The following TNFAIP6 variants were observed in gnomAD, a reference collection of about 807,000 sequenced individuals.
The protein encoded by TNFAIP6 is TNF alpha induced protein 6, also known as tumor necrosis factor-inducible gene 6 protein.
TNFAIP6 carries 36 observed loss-of-function variants against 33.7 expected under a neutral mutation model. The observed-to-expected ratio is 1.07, with a 90% CI of 0.82 to 1.41. The LOEUF is 1.41. Ranked by LOEUF, TNFAIP6 falls within the 40% of genes most tolerant of loss-of-function variation. The pLI is 0.00. For synonymous variants in TNFAIP6, 113 were observed against 112.8 expected (o/e 1.00, Z -0.01); for missense variants, 273 against 331.9 (o/e 0.82, Z 1.38).
At chr2:151,373,177 G>A (rs538046922) in intron 4 of TNFAIP6, among the ~76,000 whole-genome samples, 136 of 151,790 alleles carry the variant, frequency 9.0e-4, no homozygotes, top group African/African-American at 3.2e-3. Flanking sequence ...AATTAGCCAG[G>A]TGTGGTGCAT....
At chr2:151,370,330 C>T (rs1684795362) in intron 4 of TNFAIP6, 82 bp downstream of exon 4, 6 of 1,002,010 alleles carry the variant, frequency 6.0e-6, no homozygotes, top group South Asian at 1.5e-5. Flanking sequence ...CTCAACTGTC[C>T]CTATAATATT....
chr2:151,358,229 C>T (rs1684567460), intron 1 of TNFAIP6, among the ~76,000 whole-genome samples: 8 of 152,132 alleles, frequency 5.3e-5, no homozygotes, highest in Admixed American at 3.9e-4. Context: ...TTTTTTCAAA[C>T]ATTTTGACTA....
intron 1 of TNFAIP6, among the ~76,000 whole-genome samples, chr2:151,361,756 A>G (rs1684627486): frequency 6.6e-6 from 1 of 152,206 alleles, no homozygotes; most frequent in South Asian, 2.1e-4. Flanking sequence ...AAAACTAGCA[A>G]AAGTTTAATG....
downstream of TNFAIP6, among the ~76,000 whole-genome samples, chr2:151,381,296 C>A (rs1336909980): frequency 6.6e-6 from 1 of 151,996 alleles, no homozygotes; most frequent in African/African-American, 2.4e-5. Context: ...CATAGCAAGA[C>A]CTCATCTCTA....
chr2:151,368,982 CAGG>C (rs1253780205), intron 3 of TNFAIP6, among the ~76,000 whole-genome samples: 1 of 152,194 alleles, frequency 6.6e-6, no homozygotes, highest in Non-Finnish European at 1.5e-5. Flanking sequence ...CACCAGAGGT[CAGG>C]AGTTCAAGTC....
chr2:151,376,202 C>T (rs1684903548), intron 5 of TNFAIP6, among the ~76,000 whole-genome samples: 1 of 151,946 alleles, frequency 6.6e-6, no homozygotes, highest in African/African-American at 2.4e-5. Context: ...GCTGAGATGG[C>T]TCCACTGCAC....
chr2:151,379,392 T>A lies in TNFAIP6; in HGVS notation c.693T>A (p.Ser231Arg), dbSNP rs1286585291. Residue 231 changes from serine to arginine, a missense_variant, in exon 6 of 6, where the codon AGT becomes AGA. By Grantham distance (110) the Ser-to-Arg change is moderately radical. Coordinates refer to ENST00000243347, the MANE Select transcript of TNFAIP6 (RefSeq NM_007115.4). The part of the protein sequence containing the change: ...TGNVMTLKFL[S>R]DASVTAGGFQ... ...ATGTCATGACCTTGAAGTTTCTAAG[T>A]GATGCTTCAGTGACAGCTGGAGGTT... is the stretch of plus-strand genomic sequence containing the variant. The A allele has an allele frequency of 1.9e-6, 3 of 1,603,072 alleles. No homozygotes were observed. Among genetic ancestry groups the A allele is most frequent in the Non-Finnish European group, 2.6e-6 (3 of 1,176,248 alleles).
chr2:151,366,055 G>A lies in TNFAIP6; in HGVS notation c.233-1G>A, dbSNP rs772822746. The A allele has an allele frequency of 6.8e-6, 11 of 1,613,694 alleles. No individual in the cohort carries two copies. The South Asian group carries it at 1.1e-4, about 16-fold the overall frequency. The stretch of plus-strand genomic sequence containing the variant: ...GTCCATAACTCTTTTTCTTCTTGCA[G>A]GATTTCATGTCTGTGCTGCTGGATG... On this transcript the variant is annotated splice_acceptor_variant, in intron 2 of 5. Transcript: ENST00000243347. LOFTEE classifies it high-confidence loss of function.
rs144488091 is a variant in TNFAIP6, at chr2:151,357,672, C to A, written c.6C>A (p.Ile2=). The change falls in exon 1 of 6, where the codon ATC becomes ATA. Residue 2 remains isoleucine (I), a synonymous_variant. Coordinates refer to ENST00000243347, the MANE Select transcript of TNFAIP6 (RefSeq NM_007115.4). ...ACTTCACTACAACTGACGATATGATCATCTTAATTTACTTATTTCTCTTGC... is the reference window on the plus strand; with the variant it reads ...ACTTCACTACAACTGACGATATGATAATCTTAATTTACTTATTTCTCTTGC... M[I]ILIYLFLLLW... The A allele has an allele frequency of 1.2e-6, 2 of 1,606,342 alleles. No individual in the cohort carries two copies. The highest frequency in any genetic ancestry group is 1.3e-5 in the African/African-American group (1 of 74,766).
rs1684983503 is a variant in TNFAIP6 at position 151,379,838 on chromosome 2, C to T, written c.*305C>T. On this transcript the variant is annotated 3_prime_UTR_variant, in exon 6 of 6. Transcript: ENST00000243347. The stretch of plus-strand genomic sequence containing the variant: ...TTGCATTTGAAATTTTGGAATCCTG[C>T]TCTATGTACAGTTTTGTATTATACT... The T allele has an allele frequency of 1.8e-5, 3 of 168,944 alleles. No homozygotes were observed. The highest frequency in any genetic ancestry group is 7.1e-5 in the African/African-American group (3 of 42,108). The allele number at this position is 168,944 out of a possible 1,614,324, so 10.5% of individuals were successfully genotyped here.
chr2:151,373,817 AAATGT>A (rs942860478), intron 5 of TNFAIP6: 13 of 289,078 alleles, frequency 4.5e-5, no homozygotes, highest in African/African-American at 6.5e-5. Context: ...TCTTTGCTGA[AAATGT>A]AATGTATCTG....
At chr2:151,375,365 G>A (rs1310741728) in intron 5 of TNFAIP6, among the ~76,000 whole-genome samples, 1 of 152,022 alleles carries the variant, frequency 6.6e-6, no homozygotes, top group Non-Finnish European at 1.5e-5. Flanking sequence ...AGAGGACATT[G>A]ATACAAAGTA....
chr2:151,363,891 T>C, intron 1 of TNFAIP6, 52 bp from the exon 2 acceptor site: 2 of 1,597,036 alleles, frequency 1.3e-6, no homozygotes, highest in South Asian at 1.1e-5. Context: ...GAATTTCCCC[T>C]GTTCCGTAAG....
intron 5 of TNFAIP6, among the ~76,000 whole-genome samples, chr2:151,376,666 C>T (rs2152018946): frequency 6.6e-6 from 1 of 152,078 alleles, no homozygotes; most frequent in Non-Finnish European, 1.5e-5. Flanking sequence ...TTTTTCATGA[C>T]TGCCTAATAG....
intron 5 of TNFAIP6, among the ~76,000 whole-genome samples, chr2:151,378,613 G>A (rs1042654540): frequency 3.3e-5 from 5 of 151,498 alleles, no homozygotes; most frequent in African/African-American, 7.3e-5. Flanking sequence ...TCAGCCTCCC[G>A]AGGAGCTGGG....
At chr2:151,359,451 C>G (rs1352205587) in intron 1 of TNFAIP6, among the ~76,000 whole-genome samples, 1 of 149,052 alleles carries the variant, frequency 6.7e-6, no homozygotes, top group Non-Finnish European at 1.5e-5. Context: ...TGCAGTGGCA[C>G]CATCTCGGCT....
At position 151,370,120 on chromosome 2, in the gene TNFAIP6, T is replaced by C. The variant is rs778668203; in HGVS notation, c.495T>C (p.Ile165=). The change falls in exon 4 of 6, where the codon ATT becomes ATC. Residue 165 remains isoleucine, a synonymous_variant. Transcript: ENST00000243347. Reference sequence around the variant, plus strand: ...ATAACCAAATCTGCTACTGGCACATTAGACTCAAGTATGGTCAGCGTATTC... The same window carrying C: ...ATAACCAAATCTGCTACTGGCACATCAGACTCAAGTATGGTCAGCGTATTC... ...YEDNQICYWH[I]RLKYGQRIHL... is the part of the protein sequence containing the mutation. 3.9e-5 allele frequency: 63 copies of C among 1,613,972 alleles called. No individual in the cohort carries two copies. The highest frequency in any genetic ancestry group is 6.6e-5 in the South Asian group (6 of 91,096).
At chr2:151,376,865 CT>C (rs71403162) in intron 5 of TNFAIP6, among the ~76,000 whole-genome samples, 29,285 of 114,534 alleles carry the variant, frequency 0.26, 1,269 homozygotes, top group South Asian at 0.36. Context: ...TTTTTCTTTT[CT>C]TTTTTTTTTT....
chr2:151,357,650 T>G lies in TNFAIP6; in HGVS notation c.-17T>G, dbSNP rs1363908896. ...GAGCAGCCCCTAACAGGCTGTTACT[T>G]CACTACAACTGACGATATGATCATC... On this transcript the variant is annotated 5_prime_UTR_variant, in exon 1 of 6. Coordinates refer to ENST00000243347, the MANE Select transcript of TNFAIP6 (RefSeq NM_007115.4). 6.5e-7 allele frequency: 1 copy of G among 1,543,810 alleles called. No individual in the cohort carries two copies. Among genetic ancestry groups the G allele is most frequent in the Non-Finnish European group, 9.0e-7 (1 of 1,116,440 alleles).
Sources: gnomAD v4.1 joint callset for allele counts (sites outside exome capture counted in the v4.1 genomes callset) on GRCh38, gnomAD v4.1.1 for gene constraint, MANE v1.5 for transcripts, NCBI Gene and HGNC (gene_info 2026-07-23, HGNC 2026-07-21) for gene names.